Variants in MSMO1 observed in about 807,000 individuals in gnomAD.
MSMO1 encodes C-4 methylsterol oxidase.
Under a neutral mutation model 30.4 loss-of-function variants are expected in MSMO1, and 18 were observed. That is an observed-to-expected ratio of 0.59 (90% CI 0.41 to 0.88). The LOEUF (loss-of-function observed/expected upper bound fraction) is 0.88, where lower values mean the gene tolerates loss of function less well. MSMO1 is among the 40% of genes least tolerant of loss of function. The pLI is 0.00. For missense variants in MSMO1, 284 were observed against 340.5 expected (o/e 0.83, Z 1.31); for synonymous variants, 84 against 107.9 (o/e 0.78, Z 1.37).
chr4:165,341,324 G>T (rs1311024037), intron 5 of MSMO1, among the ~76,000 whole-genome samples: 1 of 152,084 alleles, frequency 6.6e-6, no homozygotes, highest in Admixed American at 6.5e-5. Flanking sequence ...TCATGGGCCT[G>T]CCCTTTTTAA....
At position 165,342,100 on chromosome 4, in the gene MSMO1, A is replaced by G; in HGVS notation, c.*154A>G. On this transcript the variant is annotated 3_prime_UTR_variant, in exon 6 of 6. Transcript: ENST00000261507. ...ACCTTTAATTACCTTCCTAGTGGGA[A>G]CTTTTTCTACTTTACCTACAAGTTC... 1.6e-6 allele frequency: 1 copy of G among 626,284 alleles called. No homozygotes were observed. Among genetic ancestry groups the G allele is most frequent in the South Asian group, 2.0e-5 (1 of 51,274 alleles). The allele number at this position is 626,284 out of a possible 1,614,324, so 38.8% of individuals were successfully genotyped here.
chr4:165,334,303 C>T (rs72701623), intron 2 of MSMO1, among the ~76,000 whole-genome samples: 55,023 of 152,038 alleles, frequency 0.36, 11,250 homozygotes, highest in African/African-American at 0.53. Flanking sequence ...TTATTGATAA[C>T]ATTTCAAGAA....
intron 4 of MSMO1, among the ~76,000 whole-genome samples, chr4:165,339,007 A>C (rs1023975338): frequency 1.3e-5 from 2 of 150,058 alleles, no homozygotes; most frequent in Non-Finnish European, 3.0e-5. Flanking sequence ...GAAAGTTCGG[A>C]CTTCCATCCT....
Position 165,339,135 on chromosome 4 carries a change from G to C in MSMO1, c.531+357G>C, listed in dbSNP as rs377206997. The stretch of plus-strand genomic sequence containing the variant: ...TTTTTTTTTTTTGAGATAGAGTTTT[G>C]CTCTTGTTGCCCAGGCTGGACTGCA... On this transcript the variant is annotated intron_variant, in intron 4 of 5. Coordinates refer to ENST00000261507, the MANE Select transcript of MSMO1 (RefSeq NM_006745.5). Among the ~76,000 whole-genome samples, 15 of 65,252 alleles carry C rather than the reference G, an allele frequency of 2.3e-4. 1 individual carries two copies. The South Asian group carries it at 4.6e-3, about 20-fold the overall frequency. The allele number at this position is 65,252 out of a possible 152,430, so 42.8% of individuals were successfully genotyped here.
At position 165,340,282 on chromosome 4, in the gene MSMO1, G is replaced by A. The variant is rs1301756547; in HGVS notation, c.593G>A (p.Gly198Glu). The A allele has an allele frequency of 6.2e-7, 1 of 1,613,784 alleles. No individual in the cohort carries two copies. The highest frequency in any genetic ancestry group is 1.3e-5 in the African/African-American group (1 of 74,894). The change falls in exon 5 of 6, where the codon GGA becomes GAA. Residue 198 changes from glycine (G) to glutamate (E), a missense_variant. Gly to Glu is a moderately conservative substitution (Grantham distance 98). Transcript: ENST00000261507. Reference sequence around the variant, plus strand: ...TTGGAGACTCTAATTCTTGGAACTGGATTTTTCATTGGAATCGTGCTTTTG... The same window carrying A: ...TTGGAGACTCTAATTCTTGGAACTGAATTTTTCATTGGAATCGTGCTTTTG... Reference protein sequence around the residue: ...HPLETLILGTGFFIGIVLLCD... With the variant: ...HPLETLILGTEFFIGIVLLCD...
intron 2 of MSMO1, among the ~76,000 whole-genome samples, chr4:165,337,121 A>G (rs756739768): frequency 3.0e-4 from 45 of 152,226 alleles, no homozygotes; most frequent in Non-Finnish European, 5.9e-4. Context: ...GTGCAGTCCT[A>G]TAAATTGAAT....
chr4:165,329,991 T>G (rs1055833695), intron 1 of MSMO1, among the ~76,000 whole-genome samples: 11 of 152,156 alleles, frequency 7.2e-5, no homozygotes, highest in African/African-American at 1.4e-4. Flanking sequence ...GAATGCAGAT[T>G]GCAGTTGCTA....
intron 3 of MSMO1, among the ~76,000 whole-genome samples, chr4:165,338,367 T>A (rs1220352419): frequency 6.6e-6 from 1 of 151,254 alleles, no homozygotes; most frequent in Non-Finnish European, 1.5e-5. Context: ...TATATACTCA[T>A]GCGTCACTTA....
At chr4:165,339,730 A>G (rs1237486334) in intron 4 of MSMO1, among the ~76,000 whole-genome samples, 3 of 152,106 alleles carry the variant, frequency 2.0e-5, no homozygotes, top group African/African-American at 7.2e-5. Context: ...CATAAATAGG[A>G]TATATATATT....
intron 1 of MSMO1, among the ~76,000 whole-genome samples, chr4:165,329,928 C>T (rs1204827621): frequency 6.6e-6 from 1 of 152,074 alleles, no homozygotes; most frequent in South Asian, 2.1e-4. Flanking sequence ...GCCACCACAC[C>T]CAGCCTCCTT....
rs763476688 is a variant in MSMO1, at chr4:165,341,950, T to G, written c.*4T>G. ...GTTTGAGAAAAAGACTGAATAAATATCTCACGTAAACCTTCCTGAAAGATA... is the reference window on the plus strand; with the variant it reads ...GTTTGAGAAAAAGACTGAATAAATAGCTCACGTAAACCTTCCTGAAAGATA... On this transcript the variant is annotated 3_prime_UTR_variant, in exon 6 of 6. Transcript: ENST00000261507. 3.1e-6 allele frequency: 5 copies of G among 1,601,200 alleles called. No individual in the cohort carries two copies. Among genetic ancestry groups the G allele is most frequent in the Non-Finnish European group, 4.3e-6 (5 of 1,169,854 alleles).
chr4:165,335,535 C>G (rs1487400318), intron 2 of MSMO1, among the ~76,000 whole-genome samples: 3 of 152,150 alleles, frequency 2.0e-5, no homozygotes, highest in African/African-American at 7.2e-5. Context: ...TGCCGTGTTT[C>G]ACCCAGTGAT....
At position 165,341,692 on chromosome 4, in the gene MSMO1, AAAC is replaced by A. The variant is rs557628845; in HGVS notation, c.687-53_687-51del. On this transcript the variant is annotated intron_variant, in intron 5 of 5. Coordinates refer to ENST00000261507, the MANE Select transcript of MSMO1 (RefSeq NM_006745.5). ...AATGTGAACACATGATTATTAATAA[AAAC>A]AACAATCATTTGAGATGTATTTATT... 1.6e-4 allele frequency: 228 copies of A among 1,470,398 alleles called. 1 individual carries two copies. Among genetic ancestry groups the A allele is most frequent in the East Asian group, 6.1e-4 (27 of 44,054 alleles). The allele number at this position is 1,470,398 out of a possible 1,614,324, so 91.1% of individuals were successfully genotyped here. A position where few individuals can be genotyped will look rare whatever the true frequency, so the allele number is the denominator to read the frequency against.
In MSMO1 at chr4:165,331,313, GA is replaced by G. The variant is rs59598228; in HGVS notation, c.-31-2016del. ...AGTGAGACCCTGTCTCAAAAAAAAAGAAAAAAAAAAAGAAAAGACGTGAATG... is the reference window on the plus strand; with the variant it reads ...AGTGAGACCCTGTCTCAAAAAAAAAGAAAAAAAAAAGAAAAGACGTGAATG... On this transcript the variant is annotated intron_variant, in intron 1 of 5. Transcript: ENST00000261507. Among the ~76,000 whole-genome samples, 705 of 135,022 alleles carry G rather than the reference GA, an allele frequency of 5.2e-3. 5 individuals carry two copies. The highest frequency in any genetic ancestry group is 0.022 in the Middle Eastern group (6 of 276). The allele number at this position is 135,022 out of a possible 152,430, so 88.6% of individuals were successfully genotyped here.
chr4:165,337,840 T>C lies in MSMO1; in HGVS notation c.307T>C (p.Phe103Leu). The change falls in exon 3 of 6, where the codon TTT (phenylalanine) becomes CTT (leucine). Residue 103 changes from phenylalanine to leucine, a missense_variant. Coordinates refer to ENST00000261507, the MANE Select transcript of MSMO1 (RefSeq NM_006745.5). Reference protein sequence around the residue: ...NQWKCFKVLLFNHFCIQLPLI... With the variant: ...NQWKCFKVLLLNHFCIQLPLI... ...ATGGAAGTGTTTCAAAGTTCTTCTC[T>C]TTAATCACTTCTGTATCCAGCTGCC... 6.2e-7 allele frequency: 1 copy of C among 1,613,624 alleles called. No homozygotes were observed. Among genetic ancestry groups the C allele is most frequent in the Non-Finnish European group, 8.5e-7 (1 of 1,179,692 alleles).
intron 1 of MSMO1, among the ~76,000 whole-genome samples, chr4:165,329,877 G>T (rs995358595): frequency 6.6e-6 from 1 of 151,668 alleles, no homozygotes; most frequent in Admixed American, 6.6e-5. Context: ...CTTGTGATCC[G>T]CCCACCTCAG....
At chr4:165,337,143 GTGTT>G (rs2126624160) in intron 2 of MSMO1, among the ~76,000 whole-genome samples, 1 of 152,280 alleles carries the variant, frequency 6.6e-6, no homozygotes, top group Admixed American at 6.5e-5. Context: ...CATTTAGTTA[GTGTT>G]TGTTTTGTTT....
intron 5 of MSMO1, among the ~76,000 whole-genome samples, chr4:165,341,044 T>TG (rs202132317): frequency 6.6e-6 from 1 of 151,978 alleles, no homozygotes; most frequent in Non-Finnish European, 1.5e-5. Context: ...TCTTTCTTTT[T>TG]TTTTTCTATC....
chr4:165,338,909 C>T, intron 4 of MSMO1, 131 bp downstream of exon 4: 2 of 668,456 alleles, frequency 3.0e-6, no homozygotes, highest in Non-Finnish European at 5.0e-6. Flanking sequence ...AAGAACAATA[C>T]ACACACATAC....
Sources: gnomAD v4.1 joint callset for allele counts (sites outside exome capture counted in the v4.1 genomes callset) on GRCh38, gnomAD v4.1.1 for gene constraint, MANE v1.5 for transcripts, NCBI Gene and HGNC (gene_info 2026-07-23, HGNC 2026-07-21) for gene names.